The following SLC25A12 variants were observed in gnomAD, a reference collection of about 807,000 sequenced individuals.
SLC25A12 encodes the protein electrogenic aspartate/glutamate antiporter SLC25A12, mitochondrial.
Under a neutral mutation model 83.3 loss-of-function variants are expected in SLC25A12, and 32 were observed. The observed-to-expected ratio is 0.38, with a 90% CI of 0.29 to 0.52. The LOEUF (loss-of-function observed/expected upper bound fraction) is 0.52. Ranked by LOEUF, SLC25A12 falls within the 20% of genes least tolerant of loss-of-function variation. The pLI is 0.84. For missense variants in SLC25A12, 611 were observed against 835.6 expected (o/e 0.73, Z 3.31); for synonymous variants, 267 against 291.1 (o/e 0.92, Z 0.84).
chr2:171,881,751 C>CCTT (rs1201573320), intron 2 of SLC25A12, among the ~76,000 whole-genome samples: 10 of 152,154 alleles, frequency 6.6e-5, no homozygotes, highest in African/African-American at 2.2e-4. Context: ...ACCTCTAGCA[C>CCTT]CTTGCACAGT....
rs767329370 is a variant in SLC25A12, at chr2:171,809,632, G to C, written c.1279C>G (p.Pro427Ala). 2.5e-6 allele frequency: 4 copies of C among 1,614,004 alleles called. No homozygotes were observed. The highest frequency in any genetic ancestry group is 2.7e-5 in the African/African-American group (2 of 75,044). Residue 427 changes from proline (P) to alanine (A), a missense_variant, in exon 13 of 18, where the codon CCA (proline) becomes GCA (alanine). Physicochemically the swap from Pro to Ala is conservative, Grantham distance 27. This residue lies in a region of SLC25A12 where 540 missense variants were observed against 777.5 expected (regional missense o/e 0.69). Transcript: ENST00000422440. ...CAGCCTCCAGCAAGAACTTCTGCTGGAAGTGGAACAGAGCCATCTCTTCTG... is the reference window on the plus strand; with the variant it reads ...CAGCCTCCAGCAAGAACTTCTGCTGCAAGTGGAACAGAGCCATCTCTTCTG... ...FTRRDGSVPLPAEVLAGGCAG... is the reference protein window; with the variant it reads ...FTRRDGSVPLAAEVLAGGCAG...
chr2:171,868,981 T>A (rs1410866901), intron 2 of SLC25A12, among the ~76,000 whole-genome samples, 158 bp from the exon 3 acceptor site: 2 of 152,206 alleles, frequency 1.3e-5, no homozygotes, highest in Non-Finnish European at 2.9e-5. Context: ...AATCAAATAT[T>A]CAGAGCCTGA....
At position 171,844,467 on chromosome 2, in the gene SLC25A12, G is replaced by A. The variant is rs769760741; in HGVS notation, c.367C>T (p.His123Tyr). 1 of 1,607,762 alleles carries A rather than the reference G, an allele frequency of 6.2e-7. No individual in the cohort carries two copies. The highest frequency in any genetic ancestry group is 1.7e-5 in the Admixed American group (1 of 60,012). ...TCACAATCCCAGTTAAAAGGGATAT[G>A]ATGATGAATAATAGTCTGTCCAAAA... ...EIFGQTIIHH[H>Y]IPFNWDCEFI... is the part of the protein sequence containing the mutation. The change falls in exon 5 of 18, where the codon CAT becomes TAT. Residue 123 changes from histidine to tyrosine, a missense_variant. By Grantham distance (83) the His-to-Tyr change is moderately conservative. Transcript: ENST00000422440.
chr2:171,883,671 C>T (rs1207978832), intron 2 of SLC25A12, among the ~76,000 whole-genome samples: 1 of 152,142 alleles, frequency 6.6e-6, no homozygotes, highest in African/African-American at 2.4e-5. Context: ...TACGTGTGAG[C>T]CCTTTGGAAT....
At chr2:171,794,549 A>T (rs537295599) in intron 13 of SLC25A12, among the ~76,000 whole-genome samples, 136 of 152,174 alleles carry the variant, frequency 8.9e-4, no homozygotes, top group Admixed American at 4.7e-3. Flanking sequence ...GAATTTGGAT[A>T]ATGAGAGTAT....
chr2:171,825,627 G>A (rs192600362), intron 9 of SLC25A12, among the ~76,000 whole-genome samples: 2 of 151,864 alleles, frequency 1.3e-5, no homozygotes, highest in East Asian at 3.9e-4. Context: ...TCCCCACGTC[G>A]CCTTGCCTAG....
At chr2:171,867,879 C>T (rs1022906490) in intron 3 of SLC25A12, among the ~76,000 whole-genome samples, 24 of 152,206 alleles carry the variant, frequency 1.6e-4, no homozygotes, top group African/African-American at 5.1e-4. Flanking sequence ...GAGCCTCGCT[C>T]TGTTGCCCAG....
intron 9 of SLC25A12, among the ~76,000 whole-genome samples, chr2:171,818,174 C>T (rs1297086115): frequency 6.6e-6 from 1 of 152,064 alleles, no homozygotes; most frequent in East Asian, 1.9e-4. Context: ...GCTGTCATCC[C>T]TATTAATGAC....
At position 171,868,721 on chromosome 2, in the gene SLC25A12, C is replaced by T. The variant is rs555001126; in HGVS notation, c.169G>A (p.Val57Met). 2.7e-5 allele frequency: 43 copies of T among 1,613,972 alleles called. No homozygotes were observed. The highest frequency in any genetic ancestry group is 8.0e-5 in the African/African-American group (6 of 75,048). The change falls in exon 3 of 18, where the codon GTG (valine) becomes ATG (methionine). Residue 57 changes from valine to methionine, a missense_variant. Coordinates refer to ENST00000422440, the MANE Select transcript of SLC25A12 (RefSeq NM_003705.5). ...YNDPNSNPKI[V>M]QLLAGVADQT... The stretch of plus-strand genomic sequence containing the variant: ...TCAGCTACTCCTGCCAAGAGCTGCA[C>T]GATCTTTGGGTTACTATTTGGATCA...
At chr2:171,866,094 AC>A (rs1337568726) in intron 3 of SLC25A12, among the ~76,000 whole-genome samples, 3 of 131,914 alleles carry the variant, frequency 2.3e-5, no homozygotes, top group African/African-American at 5.8e-5. Context: ...CACATCTTGC[AC>A]CGCCCTTAAT....
Position 171,785,096 on chromosome 2 carries a change from G to GT in SLC25A12, c.*177dup. 4.7e-6 allele frequency: 3 copies of GT among 639,650 alleles called. No homozygotes were observed. The highest frequency in any genetic ancestry group is 1.8e-5 in the South Asian group (1 of 56,826). 39.6% of individuals were successfully genotyped at this position (639,650 alleles called of 1,614,324 possible). A position where few individuals can be genotyped will look rare whatever the true frequency, so the allele number is the denominator to read the frequency against. On this transcript the variant is annotated 3_prime_UTR_variant, in exon 18 of 18. Transcript: ENST00000422440. ...GACTAAAGCTTGAAACAGCGTTGTG[G>GT]TTTTTTCCCTGGGCAAATGATTATT...
At position 171,834,778 on chromosome 2, in the gene SLC25A12, T is replaced by C; in HGVS notation, c.700A>G (p.Lys234Glu). The C allele has an allele frequency of 1.2e-6, 2 of 1,613,944 alleles. No individual in the cohort carries two copies. Among genetic ancestry groups the C allele is most frequent in the Non-Finnish European group, 1.7e-6 (2 of 1,179,952 alleles). ...GTGCCAGCTAGAGTGCTATATATCT[T>C]ACGAACAAGCTCCATGTTATTCAGT... ...SLLNNMELVR[K>E]IYSTLAGTRK... Residue 234 changes from lysine (K) to glutamate (E), a missense_variant, in exon 7 of 18, where the codon AAG (lysine) becomes GAG (glutamate). Physicochemically the swap from Lys to Glu is moderately conservative, Grantham distance 56. This residue lies in a region of SLC25A12 where 540 missense variants were observed against 777.5 expected (regional missense o/e 0.69). Transcript: ENST00000422440.
At chr2:171,787,396 C>T (rs1690509009) in intron 17 of SLC25A12, among the ~76,000 whole-genome samples, 175 bp downstream of exon 17, 1 of 152,234 alleles carries the variant, frequency 6.6e-6, no homozygotes, top group Non-Finnish European at 1.5e-5. Context: ...GTCACTCTGT[C>T]AAGTTTTACT....
At chr2:171,803,825 A>ACGCG (rs1683764306) in intron 13 of SLC25A12, among the ~76,000 whole-genome samples, 1 of 149,770 alleles carries the variant, frequency 6.7e-6, no homozygotes, top group Non-Finnish European at 1.5e-5. Context: ...ACACACACAC[A>ACGCG]CACACACGCG....
intron 9 of SLC25A12, among the ~76,000 whole-genome samples, chr2:171,815,683 A>G (rs923768831): frequency 6.6e-6 from 1 of 152,182 alleles, no homozygotes; most frequent in Non-Finnish European, 1.5e-5. Flanking sequence ...TCTAATGACT[A>G]CTGCCACAGT....
At chr2:171,841,078 T>C (rs1684662577) in intron 5 of SLC25A12, among the ~76,000 whole-genome samples, 1 of 152,130 alleles carries the variant, frequency 6.6e-6, no homozygotes, top group African/African-American at 2.4e-5. Flanking sequence ...GATTTGTTTG[T>C]TTGTTTGTTA....
intron 4 of SLC25A12, among the ~76,000 whole-genome samples, chr2:171,846,176 T>C (rs1684793553): frequency 6.6e-6 from 1 of 152,046 alleles, no homozygotes; most frequent in African/African-American, 2.4e-5. Flanking sequence ...TTTCTTACTT[T>C]TAAGGTCTAA....
chr2:171,791,046 G>T (rs574640856), intron 15 of SLC25A12, among the ~76,000 whole-genome samples: 1 of 152,104 alleles, frequency 6.6e-6, no homozygotes, highest in Non-Finnish European at 1.5e-5. Flanking sequence ...ATATACAGAA[G>T]AGAGAAAGTA....
At chr2:171,892,220 CCTTTA>C (rs1449753196) in intron 2 of SLC25A12, among the ~76,000 whole-genome samples, 1 of 139,640 alleles carries the variant, frequency 7.2e-6, no homozygotes, top group Non-Finnish European at 1.5e-5. Flanking sequence ...AGCTTGCCTC[CCTTTA>C]CATCTACTTT....
Sources: allele counts gnomAD v4.1 joint callset (sites outside exome capture counted in the v4.1 genomes callset), GRCh38; gene constraint gnomAD v4.1.1; regional missense constraint gnomAD v4.1.1; transcripts MANE v1.5; gene names NCBI Gene and HGNC (gene_info 2026-07-23, HGNC 2026-07-21).